Variants in NCALD observed in about 807,000 individuals in gnomAD.
NCALD encodes neurocalcin-delta.
In NCALD, 10 loss-of-function variants were observed where a neutral mutation model predicts 18.6. The observed-to-expected ratio is 0.54, with a 90% CI of 0.33 to 0.91. The LOEUF (loss-of-function observed/expected upper bound fraction) is 0.91. Among genes scored for constraint, NCALD ranks in the 40% least tolerant of loss-of-function variants. The probability of loss-of-function intolerance (pLI) is 0.03; values close to 1 mark genes in which losing one functional copy is unlikely to be tolerated. For missense variants in NCALD, 184 were observed against 247.6 expected, an observed-to-expected ratio of 0.74 and a Z score of 1.72; for synonymous variants, 88 against 87.4, an observed-to-expected ratio of 1.01 and a Z score of -0.04.
chr8:101,721,842 G>C (rs1335889930), intron 1 of NCALD, among the ~76,000 whole-genome samples: 1 of 150,202 alleles, frequency 6.7e-6, no homozygotes, highest in Non-Finnish European at 1.5e-5. Context: ...TTACTTTTTG[G>C]GTTCCCCCTG....
intron 1 of NCALD, among the ~76,000 whole-genome samples, chr8:101,763,384 A>G (rs2130847537): frequency 6.6e-6 from 1 of 152,292 alleles, no homozygotes; most frequent in African/African-American, 2.4e-5. Flanking sequence ...ATATGAAAGG[A>G]GGAAATGACT....
At chr8:102,053,671 A>G (rs1023753109) in intron 1 of NCALD, among the ~76,000 whole-genome samples, 23 of 152,168 alleles carry the variant, frequency 1.5e-4, no homozygotes, top group African/African-American at 5.1e-4. Context: ...GAGGAATTAG[A>G]TGTCATTTCT....
At chr8:101,848,724 T>A (rs971927868) in intron 4 of NCALD, among the ~76,000 whole-genome samples, 1 of 152,220 alleles carries the variant, frequency 6.6e-6, no homozygotes, top group Non-Finnish European at 1.5e-5. Context: ...ATTTTTTGCA[T>A]GTATCTAGTA....
intron 2 of NCALD, among the ~76,000 whole-genome samples, chr8:101,983,420 T>C (rs1435318364): frequency 6.6e-6 from 1 of 152,214 alleles, no homozygotes; most frequent in Non-Finnish European, 1.5e-5. Context: ...AATATGAAGT[T>C]TCAAATTCTC....
intron 2 of NCALD, among the ~76,000 whole-genome samples, chr8:101,936,875 TG>T (rs796321340): frequency 3.9e-5 from 6 of 152,330 alleles, no homozygotes; most frequent in African/African-American, 1.4e-4. Flanking sequence ...TGCAGGACCT[TG>T]TCTCTTGTAT....
intron 4 of NCALD, among the ~76,000 whole-genome samples, chr8:101,836,641 C>T (rs1814424907): frequency 6.6e-6 from 1 of 152,176 alleles, no homozygotes; most frequent in South Asian, 2.1e-4. Context: ...ACATTTAAAA[C>T]CCCCTAATAA....
chr8:101,816,733 A>G (rs1038488316), intron 4 of NCALD, among the ~76,000 whole-genome samples: 1 of 152,184 alleles, frequency 6.6e-6, no homozygotes, highest in Admixed American at 6.6e-5. Flanking sequence ...GATTCATGTC[A>G]TTACACATTT....
At chr8:102,046,074 T>C (rs1457502652) in intron 1 of NCALD, among the ~76,000 whole-genome samples, 1 of 152,254 alleles carries the variant, frequency 6.6e-6, no homozygotes, top group East Asian at 1.9e-4. Flanking sequence ...ATTTTGCTTT[T>C]TCAGATCACA....
At chr8:102,036,688 T>C (rs1822877453) in intron 1 of NCALD, among the ~76,000 whole-genome samples, 1 of 151,484 alleles carries the variant, frequency 6.6e-6, no homozygotes, top group East Asian at 2.0e-4. Context: ...GGCAAGAGAA[T>C]CCCTTAAACC....
rs1182879392 is a variant in NCALD at position 101,797,814 on chromosome 8, C to CA, written c.-19-78167dup. On this transcript the variant is annotated intron_variant, in intron 4 of 6. Coordinates refer to the NCALD transcript ENST00000311028. ...CTGGTGATACAGTGAGACTCCATCTCAAAAAAAAAAAAGAGGAGTGTCTTC... is the reference window on the plus strand; with the variant it reads ...CTGGTGATACAGTGAGACTCCATCTCAAAAAAAAAAAAAGAGGAGTGTCTTC... 8.9e-3 allele frequency among the ~76,000 whole-genome samples: 1,136 copies of CA among 128,124 alleles called. 12 individuals carry two copies. Among genetic ancestry groups the CA allele is most frequent in the African/African-American group, 0.02 (708 of 34,806 alleles). The allele number at this position is 128,124 out of a possible 152,430, so 84.1% of individuals were successfully genotyped here. A position where few individuals can be genotyped will look rare whatever the true frequency, so the allele number is the denominator to read the frequency against.
chr8:101,948,728 C>G (rs1037794596), intron 2 of NCALD, among the ~76,000 whole-genome samples: 1 of 152,120 alleles, frequency 6.6e-6, no homozygotes, highest in Admixed American at 6.5e-5. Flanking sequence ...TGCATGGCGG[C>G]CATTTCACAA....
intron 4 of NCALD, among the ~76,000 whole-genome samples, chr8:101,853,506 A>G (rs1815182074): frequency 6.6e-6 from 1 of 152,220 alleles, no homozygotes; most frequent in Admixed American, 6.5e-5. Flanking sequence ...AATGAGATTT[A>G]AGCTTATTAA....
intron 1 of NCALD, among the ~76,000 whole-genome samples, chr8:101,763,103 G>C (rs998584411): frequency 6.6e-6 from 1 of 152,034 alleles, no homozygotes; most frequent in Admixed American, 6.6e-5. Context: ...CTACATATCA[G>C]GCACTGTGCT....
At chr8:101,820,576 C>T (rs55886422) in intron 4 of NCALD, among the ~76,000 whole-genome samples, 3,003 of 152,066 alleles carry the variant, frequency 0.02, 48 homozygotes, top group Non-Finnish European at 0.031. Flanking sequence ...AAATTAATAC[C>T]GCTTTAGAAT....
chr8:102,024,332 T>C (rs570607735), intron 1 of NCALD, among the ~76,000 whole-genome samples: 1 of 152,332 alleles, frequency 6.6e-6, no homozygotes, highest in African/African-American at 2.4e-5. Flanking sequence ...ATAAATAGTT[T>C]GCATGCTTCC....
intron 4 of NCALD, among the ~76,000 whole-genome samples, chr8:101,822,511 G>C (rs1813762424): frequency 6.6e-6 from 1 of 152,126 alleles, no homozygotes; most frequent in African/African-American, 2.4e-5. Context: ...CAAGCAGTGG[G>C]AGACATCGGT....
intron 1 of NCALD, among the ~76,000 whole-genome samples, chr8:101,765,344 G>A (rs568816947): frequency 6.6e-6 from 1 of 152,278 alleles, no homozygotes; most frequent in South Asian, 2.1e-4. Context: ...ATTAAACTGA[G>A]CGGGGCAATG....
At chr8:101,957,597 C>T (rs1440667521) in intron 2 of NCALD, among the ~76,000 whole-genome samples, 2 of 152,060 alleles carry the variant, frequency 1.3e-5, no homozygotes, top group Non-Finnish European at 2.9e-5. Flanking sequence ...TAGTTGGAGT[C>T]TCCTAAAATG....
chr8:101,903,035 T>C (rs774684463), intron 3 of NCALD, among the ~76,000 whole-genome samples: 17 of 152,128 alleles, frequency 1.1e-4, no homozygotes, highest in Non-Finnish European at 2.2e-4. Context: ...CATATTTCTG[T>C]GAGGTCACCA....
Sources: gnomAD v4.1 joint callset for allele counts (sites outside exome capture counted in the v4.1 genomes callset) on GRCh38, gnomAD v4.1.1 for gene constraint, MANE v1.5 for transcripts, NCBI Gene and HGNC (gene_info 2026-07-23, HGNC 2026-07-21) for gene names.